DTWD2: variants seen among roughly 807,000 people sequenced by gnomAD.
The protein encoded by DTWD2 is tRNA-uridine aminocarboxypropyltransferase 2.
In DTWD2, 39 loss-of-function variants were observed where a neutral mutation model predicts 31.8. That is an observed-to-expected ratio of 1.22 (90% confidence interval 0.95 to 1.60). DTWD2 has a LOEUF of 1.60. DTWD2 is among the 40% of genes most tolerant of loss of function. DTWD2 has a pLI of 0.00. For missense variants in DTWD2, 515 were observed against 381.5 expected, an observed-to-expected ratio of 1.35 and a Z score of -2.92; for synonymous variants, 180 against 142.8, an observed-to-expected ratio of 1.26 and a Z score of -1.86.
chr5:118,982,575 G>A (rs558986718), intron 1 of DTWD2, among the ~76,000 whole-genome samples: 2 of 151,264 alleles, frequency 1.3e-5, no homozygotes, highest in African/African-American at 4.9e-5. Flanking sequence ...ATTTTCTCTT[G>A]AGAATATATC....
intron 4 of DTWD2, among the ~76,000 whole-genome samples, chr5:118,883,699 A>G (rs886185256): frequency 6.6e-6 from 1 of 152,176 alleles, no homozygotes; most frequent in Non-Finnish European, 1.5e-5. Context: ...AGATTTCATG[A>G]GAATTCCCTC....
chr5:118,868,265 A>C (rs1561433512), intron 4 of DTWD2, among the ~76,000 whole-genome samples: 1 of 152,150 alleles, frequency 6.6e-6, no homozygotes, highest in Non-Finnish European at 1.5e-5. Context: ...AAATTCACTC[A>C]AAATGAATCA....
rs1751676069 is a variant in DTWD2, at chr5:118,840,122, G to A, written c.*795C>T. 1 of 152,072 alleles carries A rather than the reference G, an allele frequency of 6.6e-6. No individual in the cohort carries two copies. The highest frequency in any genetic ancestry group is 6.5e-5 in the Admixed American group (1 of 15,280). The allele number at this position is 152,072 out of a possible 1,614,324, so 9.4% of individuals were successfully genotyped here. ...TTTTTCTCTCAAATGGAAAGTTTTT[G>A]CTCGTTAAAAAGGTTATATTAAATA... On this transcript the variant is annotated 3_prime_UTR_variant, in exon 6 of 6. Coordinates refer to ENST00000510708, the MANE Select transcript of DTWD2 (RefSeq NM_173666.4).
rs1033034002 is a variant in DTWD2, at chr5:118,954,286, A to G, written c.219-9637T>C. 2.6e-5 allele frequency among the ~76,000 whole-genome samples: 4 copies of G among 152,114 alleles called. No homozygotes were observed. In the East Asian group the frequency reaches 7.7e-4, roughly 29 times the overall value. ...AAAAACCCTAGCAATGAATCAATCA[A>G]TCAATCAAATCATCCACCTTTTCTC... On this transcript the variant is annotated intron_variant, in intron 1 of 5. Transcript: ENST00000510708.
chr5:118,954,865 C>T (rs1365995928), intron 1 of DTWD2, among the ~76,000 whole-genome samples: 2 of 152,224 alleles, frequency 1.3e-5, no homozygotes, highest in Middle Eastern at 3.4e-3. Context: ...CCTTTGAATG[C>T]TTTTCTCCTC....
chr5:118,988,329 C>G lies in DTWD2; in HGVS notation c.183G>C (p.Glu61Asp). Residue 61 changes from glutamate (E) to aspartate (D), a missense_variant, in exon 1 of 6, where the codon GAG (glutamate) becomes GAC (aspartate). Glu to Asp is a conservative substitution (Grantham distance 45). Transcript: ENST00000510708. ...TGCACTCAGGCCTCCGCTCGGCCGG[C>G]TCCACCGGCAGCTCCCACAGCCCGT... is the stretch of plus-strand genomic sequence containing the variant. The part of the protein sequence containing the change: ...SADGLWELPV[E>D]PAERRPECTR... 6.5e-7 allele frequency: 1 copy of G among 1,542,804 alleles called. No individual in the cohort carries two copies. Among genetic ancestry groups the G allele is most frequent in the Non-Finnish European group, 8.7e-7 (1 of 1,148,606 alleles).
At chr5:118,944,493 TTATCTTCGTGTTTC>T in intron 2 of DTWD2, 52 bp downstream of exon 2, 1 of 1,478,280 alleles carries the variant, frequency 6.8e-7, no homozygotes, top group Non-Finnish European at 9.4e-7. Context: ...ATAAGTATGT[TTATCTTCGTGTTTC>T]CTCTTGTGGA....
At chr5:118,924,205 ATCC>A (rs1316329289) in intron 4 of DTWD2, among the ~76,000 whole-genome samples, 1 of 152,206 alleles carries the variant, frequency 6.6e-6, no homozygotes, top group African/African-American at 2.4e-5. Flanking sequence ...AGCATGTCAT[ATCC>A]TACTGGAAGT....
chr5:118,846,996 G>A (rs1467016716), intron 5 of DTWD2, among the ~76,000 whole-genome samples: 1 of 145,886 alleles, frequency 6.9e-6, no homozygotes. Flanking sequence ...TTTTTCAAAA[G>A]AAGAAAAGTC....
intron 1 of DTWD2, among the ~76,000 whole-genome samples, chr5:118,945,522 TG>T (rs1405761893): frequency 6.6e-6 from 1 of 152,114 alleles, no homozygotes; most frequent in Non-Finnish European, 1.5e-5. Flanking sequence ...CCCAGCACTT[TG>T]GGAGGCTGAG....
chr5:118,920,794 G>T (rs565087325), intron 4 of DTWD2, among the ~76,000 whole-genome samples: 1 of 152,032 alleles, frequency 6.6e-6, no homozygotes, highest in Non-Finnish European at 1.5e-5. Context: ...GTCAATTTTT[G>T]ATATTATGCT....
chr5:118,987,506 C>G (rs1214094268), intron 1 of DTWD2, among the ~76,000 whole-genome samples: 1 of 152,214 alleles, frequency 6.6e-6, no homozygotes, highest in African/African-American at 2.4e-5. Flanking sequence ...TTTCAAATCT[C>G]AGAGATAGTT....
chr5:118,988,190 T>C, intron 1 of DTWD2, 104 bp downstream of exon 1: 2 of 1,410,032 alleles, frequency 1.4e-6, no homozygotes, highest in East Asian at 5.0e-5. Flanking sequence ...TCCGCCGCCC[T>C]AATCGCAGAG....
intron 1 of DTWD2, chr5:118,988,089 T>C (rs1755469041): frequency 2.8e-6 from 2 of 727,082 alleles, no homozygotes; most frequent in Non-Finnish European, 4.9e-6. Context: ...TTGCAGGAAG[T>C]AAGGTTAGAT....
intron 1 of DTWD2, among the ~76,000 whole-genome samples, chr5:118,948,036 T>C (rs1321199927): frequency 1.3e-5 from 2 of 152,146 alleles, no homozygotes; most frequent in Admixed American, 6.5e-5. Context: ...TTGTAATAGG[T>C]AGTTCATCTA....
intron 4 of DTWD2, among the ~76,000 whole-genome samples, chr5:118,863,069 T>A (rs1682462568): frequency 6.6e-6 from 1 of 152,192 alleles, no homozygotes; most frequent in Admixed American, 6.5e-5. Flanking sequence ...AGAAAGCCCA[T>A]ATTTTTTCAA....
chr5:118,906,819 C>A (rs1753344570), intron 4 of DTWD2, among the ~76,000 whole-genome samples: 1 of 152,048 alleles, frequency 6.6e-6, no homozygotes, highest in African/African-American at 2.4e-5. Flanking sequence ...GCAAACTGCA[C>A]ACTTTAAACA....
At chr5:118,877,991 G>T (rs192608136) in intron 4 of DTWD2, among the ~76,000 whole-genome samples, 2 of 152,230 alleles carry the variant, frequency 1.3e-5, no homozygotes, top group South Asian at 2.1e-4. Flanking sequence ...AACTAGGGAG[G>T]TGAAAGATCT....
intron 4 of DTWD2, among the ~76,000 whole-genome samples, chr5:118,852,657 T>C (rs1752037804): frequency 6.6e-6 from 1 of 152,224 alleles, no homozygotes; most frequent in African/African-American, 2.4e-5. Context: ...GAAAGCGGTG[T>C]GGTGATTTCT....
Sources: allele counts gnomAD v4.1 joint callset (sites outside exome capture counted in the v4.1 genomes callset), GRCh38; gene constraint gnomAD v4.1.1; transcripts MANE v1.5; gene names NCBI Gene and HGNC (gene_info 2026-07-23, HGNC 2026-07-21).